ATP12A: variants seen among roughly 807,000 people sequenced by gnomAD.
ATP12A encodes ATPase H+/K+ transporting non-gastric alpha2 subunit.
In ATP12A, 81 loss-of-function variants were observed where a neutral mutation model predicts 111.2. The ratio of observed to expected loss-of-function variants is 0.73; its 90% confidence interval spans 0.61 to 0.88. The LOEUF is 0.88. ATP12A is among the 40% of genes least tolerant of loss of function. The probability of loss-of-function intolerance (pLI) is 0.00; values close to 1 mark genes in which losing one functional copy is unlikely to be tolerated. For missense variants in ATP12A, 1,196 were observed against 1,313.1 expected (o/e 0.91, Z 1.38); for synonymous variants, 498 against 499.8 (o/e 1.00, Z 0.05).
chr13:24,695,332 A>C (rs1057109903), intron 11 of ATP12A, among the ~76,000 whole-genome samples: 4 of 152,118 alleles, frequency 2.6e-5, no homozygotes, highest in Admixed American at 2.0e-4. Context: ...GCTCAGGTAG[A>C]AGACGGCCTT....
At chr13:24,709,636 C>T (rs2137724715) in intron 18 of ATP12A, 47 bp from the exon 19 acceptor site, 1 of 1,604,740 alleles carries the variant, frequency 6.2e-7, no homozygotes, top group Non-Finnish European at 8.5e-7. Context: ...GAGGCAGTTT[C>T]CTGAGGCCAT....
intron 12 of ATP12A, 70 bp downstream of exon 12, chr13:24,698,920 T>C: frequency 6.4e-7 from 1 of 1,557,014 alleles, no homozygotes; most frequent in Non-Finnish European, 8.7e-7. Flanking sequence ...CTTGAGGACC[T>C]GTGACCTAGC....
Position 24,708,919 on chromosome 13 carries a change from AAG to A in ATP12A, c.2494-443_2494-442del, listed in dbSNP as rs1491411315. ...AAGAAAGGAAAGAAAGAAAGAAAGA[AAG>A]AAAGAAAGAAAGAAAGAAAGAAAGA... On this transcript the variant is annotated intron_variant, in intron 17 of 22. Transcript: ENST00000381946. 1.4e-3 allele frequency among the ~76,000 whole-genome samples: 180 copies of A among 129,572 alleles called. 2 individuals carry two copies. Among genetic ancestry groups the A allele is most frequent in the African/African-American group, 5.4e-3 (170 of 31,422 alleles). The allele number at this position is 129,572 out of a possible 152,430, so 85.0% of individuals were successfully genotyped here.
chr13:24,680,639 C>A lies in ATP12A; in HGVS notation c.-105C>A. 1.5e-6 allele frequency: 2 copies of A among 1,349,074 alleles called. No individual in the cohort carries two copies. The highest frequency in any genetic ancestry group is 1.0e-6 in the Non-Finnish European group (1 of 1,000,082). 83.6% of individuals were successfully genotyped at this position (1,349,074 alleles called of 1,614,324 possible). A position where few individuals can be genotyped will look rare whatever the true frequency, so the allele number is the denominator to read the frequency against. ...GGTATCTCCACCGCCAACACCTCAG[C>A]CACTGCCACTGCCACAGCCACACGA... On this transcript the variant is annotated 5_prime_UTR_variant, in exon 1 of 23. Transcript: ENST00000381946.
At position 24,698,853 on chromosome 13, in the gene ATP12A, G is replaced by A; in HGVS notation, c.1705+3G>A. 1.2e-6 allele frequency: 2 copies of A among 1,613,266 alleles called. No homozygotes were observed. Among genetic ancestry groups the A allele is most frequent in the Non-Finnish European group, 1.7e-6 (2 of 1,179,724 alleles). The stretch of plus-strand genomic sequence containing the variant: ...CGGGTTGGGCGAGCGTGTGCTGGGT[G>A]AGTGCGGCGGCAGGGCCCTGCCCAT... On this transcript the variant is annotated splice_donor_region_variant and intron_variant, in intron 12 of 22. Coordinates refer to ENST00000381946, the MANE Select transcript of ATP12A (RefSeq NM_001676.7).
At chr13:24,696,428 C>T (rs1170020957) in intron 11 of ATP12A, among the ~76,000 whole-genome samples, 4 of 70,808 alleles carry the variant, frequency 5.6e-5, no homozygotes, top group Admixed American at 2.2e-4. Flanking sequence ...AGAGGGGGGC[C>T]GGGCGCGGTG....
At chr13:24,682,118 G>GA (rs1874484501) in intron 2 of ATP12A, among the ~76,000 whole-genome samples, 1 of 100,426 alleles carries the variant, frequency 1.0e-5, no homozygotes, top group Non-Finnish European at 2.1e-5. Flanking sequence ...ATGTGTGTGT[G>GA]GTGTGTGTGT....
At chr13:24,694,261 A>C (rs970132610) in intron 10 of ATP12A, among the ~76,000 whole-genome samples, 183 bp from the exon 11 acceptor site, 2 of 152,080 alleles carry the variant, frequency 1.3e-5, no homozygotes, top group African/African-American at 4.8e-5. Context: ...AACATCCCTA[A>C]TGCCAGTAGG....
chr13:24,688,262 G>A (rs889758395), intron 3 of ATP12A, 57 bp from the exon 4 acceptor site: 18 of 1,539,556 alleles, frequency 1.2e-5, no homozygotes, highest in Middle Eastern at 2.3e-4. Context: ...TGAGGGAGGA[G>A]GAATGTCTAA....
intron 15 of ATP12A, 128 bp downstream of exon 15, chr13:24,706,591 C>A: frequency 7.4e-7 from 1 of 1,346,676 alleles, no homozygotes; most frequent in Non-Finnish European, 9.9e-7. Context: ...GGCTCATCCC[C>A]ATCACCTGAC....
chr13:24,710,262 AT>A (rs201952718), intron 19 of ATP12A, among the ~76,000 whole-genome samples, 197 bp from the exon 20 acceptor site: 1 of 152,190 alleles, frequency 6.6e-6, no homozygotes, highest in Non-Finnish European at 1.5e-5. Context: ...AGTAATGATA[AT>A]TTTTTAAAAA....
intron 13 of ATP12A, among the ~76,000 whole-genome samples, chr13:24,701,501 CAAAAAAAA>C (rs10586421): frequency 9.9e-6 from 1 of 101,398 alleles, no homozygotes; most frequent in Non-Finnish European, 2.0e-5. Flanking sequence ...AACTCTGTCT[CAAAAAAAA>C]AAAAAAAAAA....
chr13:24,689,754 TG>T (rs1874802071), intron 5 of ATP12A, among the ~76,000 whole-genome samples: 1 of 152,044 alleles, frequency 6.6e-6, no homozygotes, highest in Admixed American at 6.5e-5. Context: ...ATGCATTTGG[TG>T]GGGAAGCCCA....
intron 1 of ATP12A, 123 bp downstream of exon 1, chr13:24,680,875 G>T: frequency 7.3e-7 from 1 of 1,364,612 alleles, no homozygotes; most frequent in South Asian, 1.7e-5. Flanking sequence ...CCGGGGCAAG[G>T]GGAGGCCGCC....
chr13:24,694,509 T>C lies in ATP12A; in HGVS notation c.1443T>C (p.Asp481=), dbSNP rs150118663. ...AATTCTCAGAGGTCATTTTGGGTGA[T>C]GTGATGGAAATTAGAAAAAGAAACC... ...LLKFSEVILG[D]VMEIRKRNRK... The change falls in exon 11 of 23, where the codon GAT becomes GAC. Residue 481 remains aspartate, a synonymous_variant. Coordinates refer to ENST00000381946, the MANE Select transcript of ATP12A (RefSeq NM_001676.7). 1.9e-6 allele frequency: 3 copies of C among 1,614,202 alleles called. No homozygotes were observed. Among genetic ancestry groups the C allele is most frequent in the Middle Eastern group, 1.7e-4 (1 of 6,042 alleles).
Position 24,698,725 on chromosome 13 carries a change from A to AGC in ATP12A, c.1583_1584dup (p.Ile529AlafsTer3). 1 of 1,614,048 alleles carries AGC rather than the reference A, an allele frequency of 6.2e-7. No homozygotes were observed. The stretch of plus-strand genomic sequence containing the variant: ...CTCATGGTGATGAAGGGGGCCCCTG[A>AGC]GCGCATCCTAGAGAAATGCAGCACC... On this transcript the variant is annotated frameshift_variant, in exon 12 of 23. Transcript: ENST00000381946. LOFTEE classifies it high-confidence loss of function.
chr13:24,681,225 G>A (rs1005501654), intron 1 of ATP12A, among the ~76,000 whole-genome samples: 8 of 151,886 alleles, frequency 5.3e-5, no homozygotes, highest in Admixed American at 2.6e-4. Flanking sequence ...AAGGAACCTC[G>A]AGGTTCTAAG....
In ATP12A at chr13:24,690,651, C is replaced by T. The variant is rs576280401; in HGVS notation, c.729C>T (p.Ser243=). 9 of 1,613,988 alleles carry T rather than the reference C, an allele frequency of 5.6e-6. No individual in the cohort carries two copies. In the East Asian group the frequency reaches 1.6e-4, roughly 28 times the overall value. The change falls in exon 7 of 23, where the codon TCC becomes TCT. Residue 243 remains serine, a synonymous_variant. Coordinates refer to ENST00000381946, the MANE Select transcript of ATP12A (RefSeq NM_001676.7). ...GGGAGTCTGAGCCCCAGCCCCGCTC[C>T]TCTGAGTTTACCCATGAAAACCCCC... is the stretch of plus-strand genomic sequence containing the variant. The part of the protein sequence containing the change: ...LTGESEPQPR[S]SEFTHENPLE...
At chr13:24,705,546 C>T (rs911671440) in intron 14 of ATP12A, among the ~76,000 whole-genome samples, 1 of 152,224 alleles carries the variant, frequency 6.6e-6, no homozygotes, top group East Asian at 1.9e-4. Flanking sequence ...GCCTACGTAG[C>T]ACATTGCACA....
Sources: allele counts gnomAD v4.1 joint callset (sites outside exome capture counted in the v4.1 genomes callset), GRCh38; gene constraint gnomAD v4.1.1; transcripts MANE v1.5; gene names NCBI Gene and HGNC (gene_info 2026-07-23, HGNC 2026-07-21).